STK38: variants seen among roughly 807,000 people sequenced by gnomAD.
STK38 encodes the protein serine/threonine kinase 38.
A neutral mutation model predicts 59.0 loss-of-function variants in STK38; 26 were observed. The ratio of observed to expected loss-of-function variants is 0.44; its 90% CI spans 0.32 to 0.61. STK38 has a LOEUF of 0.61. STK38 is among the 20% of genes least tolerant of loss of function. The pLI is 0.04. For synonymous variants in STK38, 175 were observed against 176.6 expected (o/e 0.99, Z 0.07); for missense variants, 433 against 566.0 (o/e 0.76, Z 2.38).
intron 5 of STK38, among the ~76,000 whole-genome samples, chr6:36,520,778 A>G (rs1438839683): frequency 2.0e-5 from 3 of 152,334 alleles, no homozygotes; most frequent in East Asian, 3.9e-4. Flanking sequence ...TCGGTAACAC[A>G]TGAAAATTTG....
intron 2 of STK38, among the ~76,000 whole-genome samples, chr6:36,535,664 TC>T (rs1325555742): frequency 4.6e-5 from 7 of 151,804 alleles, no homozygotes; most frequent in African/African-American, 1.7e-4. Context: ...GATCATGAAG[TC>T]AGGAGATCGA....
At chr6:36,499,798 G>T in intron 10 of STK38, 75 bp downstream of exon 10, 2 of 1,210,720 alleles carry the variant, frequency 1.7e-6, no homozygotes, top group Non-Finnish European at 1.2e-6. Context: ...ACTGCCAATT[G>T]AAACAGAGGC....
Position 36,515,332 on chromosome 6 carries a change from C to T in STK38, c.669+6G>A, listed in dbSNP as rs749593142. On this transcript the variant is annotated splice_donor_region_variant and intron_variant, in intron 7 of 13. Transcript: ENST00000229812. ...TGCATAGTTCATGCCAATGCCCCCC[C>T]AATACCTTGCTGTCCAAAAGAAGGT... The T allele has an allele frequency of 1.1e-5, 17 of 1,613,658 alleles. No individual in the cohort carries two copies. In the South Asian group the frequency reaches 1.8e-4, roughly 17 times the overall value.
At chr6:36,541,939 G>A (rs996848148) in intron 1 of STK38, among the ~76,000 whole-genome samples, 8 of 150,068 alleles carry the variant, frequency 5.3e-5, no homozygotes, top group African/African-American at 1.5e-4. Flanking sequence ...AGCGATTCTC[G>A]TGTCTCAGCC....
At chr6:36,523,258 G>GTT (rs1264389755) in intron 4 of STK38, among the ~76,000 whole-genome samples, 28 of 147,394 alleles carry the variant, frequency 1.9e-4, no homozygotes, top group Non-Finnish European at 3.0e-4. Flanking sequence ...GGGGTACCAG[G>GTT]TTTTTTGTTT....
intron 1 of STK38, 72 bp from the exon 2 acceptor site, chr6:36,540,279 T>A: frequency 6.9e-7 from 1 of 1,443,188 alleles, no homozygotes; most frequent in Non-Finnish European, 9.4e-7. Context: ...TCCTACCCTA[T>A]TGGTAGGAAT....
At chr6:36,513,892 A>C (rs570457856) in intron 7 of STK38, among the ~76,000 whole-genome samples, 7 of 146,352 alleles carry the variant, frequency 4.8e-5, no homozygotes, top group Non-Finnish European at 7.5e-5. Context: ...TTGGTGGCTC[A>C]CGCCTGTAAT....
intron 2 of STK38, 44 bp downstream of exon 2, chr6:36,540,028 A>T: frequency 9.3e-6 from 15 of 1,609,972 alleles, no homozygotes; most frequent in Non-Finnish European, 1.3e-5. Context: ...ACGAGAAAGG[A>T]ATGCCACAAC....
At chr6:36,537,507 A>G (rs1344395795) in intron 2 of STK38, among the ~76,000 whole-genome samples, 1 of 152,226 alleles carries the variant, frequency 6.6e-6, no homozygotes, top group Non-Finnish European at 1.5e-5. Flanking sequence ...GTTTATCAAT[A>G]GGAGAATGGA....
chr6:36,496,011 C>T, intron 13 of STK38, 97 bp from the exon 14 acceptor site: 97 of 1,147,374 alleles, frequency 8.5e-5, no homozygotes, highest in South Asian at 3.6e-4. Flanking sequence ...ACACCAGTTT[C>T]TATTTGGGAA....
chr6:36,500,758 C>CAA lies in STK38; in HGVS notation c.835-770_835-769dup, dbSNP rs753008721. Among the ~76,000 whole-genome samples, 568 of 58,216 alleles carry CAA rather than the reference C, an allele frequency of 9.8e-3. 10 individuals carry two copies. Among genetic ancestry groups the CAA allele is most frequent in the East Asian group, 0.04 (80 of 2,010 alleles). The allele number at this position is 58,216 out of a possible 152,430, so 38.2% of individuals were successfully genotyped here. A position where few individuals can be genotyped will look rare whatever the true frequency, so the allele number is the denominator to read the frequency against. On this transcript the variant is annotated intron_variant, in intron 9 of 13. Coordinates refer to ENST00000229812, the MANE Select transcript of STK38 (RefSeq NM_007271.4). ...CTGGCGACAGAGTGAGACTCTGTCT[C>CAA]AAAAAAAAAAAAAAAAAAAAATAGG... is the stretch of plus-strand genomic sequence containing the variant.
rs543930678 is a variant in STK38 at position 36,540,462 on chromosome 6, G to A, written c.-5-255C>T. ...ACAGGCTTCTAAAGTGACATACACA[G>A]GATGTTCAGCACAGAGAGGATGTTC... On this transcript the variant is annotated intron_variant, in intron 1 of 13. Transcript: ENST00000229812. Among the ~76,000 whole-genome samples the A allele has an allele frequency of 9.3e-4, 142 of 152,304 alleles. 1 individual carries two copies. The highest frequency in any genetic ancestry group is 5.9e-4 in the Admixed American group (9 of 15,294).
At chr6:36,512,004 A>G (rs978360014) in intron 7 of STK38, among the ~76,000 whole-genome samples, 2 of 152,214 alleles carry the variant, frequency 1.3e-5, no homozygotes, top group African/African-American at 4.8e-5. Flanking sequence ...AGTCACAGTG[A>G]GCCAAGATCA....
intron 1 of STK38, among the ~76,000 whole-genome samples, chr6:36,543,504 G>C (rs189504414): frequency 6.6e-6 from 1 of 152,190 alleles, no homozygotes; most frequent in East Asian, 1.9e-4. Flanking sequence ...CATCACTTTG[G>C]GAGGGTGAGG....
At position 36,495,675 on chromosome 6, in the gene STK38, CAT is replaced by C. The variant is rs2127464228; in HGVS notation, c.*107_*108del. The C allele has an allele frequency of 5.6e-6, 8 of 1,416,468 alleles. 2 individuals are homozygous for C. The South Asian group carries it at 1.1e-4, about 19-fold the overall frequency. The allele number at this position is 1,416,468 out of a possible 1,614,324, so 87.7% of individuals were successfully genotyped here. A position where few individuals can be genotyped will look rare whatever the true frequency, so the allele number is the denominator to read the frequency against. ...CACATTTCAGGAGACTTTACTATGA[CAT>C]ATTGGTGGGTTCCATCAACTTCTTG... On this transcript the variant is annotated 3_prime_UTR_variant, in exon 14 of 14. Coordinates refer to ENST00000229812, the MANE Select transcript of STK38 (RefSeq NM_007271.4).
chr6:36,526,220 GTTT>G (rs60509165), intron 2 of STK38, among the ~76,000 whole-genome samples: 12,462 of 130,418 alleles, frequency 0.096, 614 homozygotes, highest in South Asian at 0.15. Flanking sequence ...GGTTTTGGGT[GTTT>G]TTTTTTTTTT....
chr6:36,537,533 T>C (rs559703787), intron 2 of STK38, among the ~76,000 whole-genome samples: 1 of 152,090 alleles, frequency 6.6e-6, no homozygotes, highest in South Asian at 2.1e-4. Context: ...AAAGATATAG[T>C]CAGAAGACAG....
At chr6:36,497,619 T>G (rs1776736109) in intron 12 of STK38, among the ~76,000 whole-genome samples, 161 bp downstream of exon 12, 2 of 152,356 alleles carry the variant, frequency 1.3e-5, no homozygotes, top group Middle Eastern at 3.4e-3. Flanking sequence ...ACAAAAAATC[T>G]AATGCCCAAT....
intron 2 of STK38, among the ~76,000 whole-genome samples, chr6:36,527,207 A>AAAAAAAAAAT (rs60162863): frequency 9.2e-5 from 11 of 119,354 alleles, no homozygotes; most frequent in Non-Finnish European, 1.1e-4. Context: ...AAAAAAAAAA[A>AAAAAAAAAAT]ATATATGTAT....
Sources: allele counts gnomAD v4.1 joint callset (sites outside exome capture counted in the v4.1 genomes callset), GRCh38; gene constraint gnomAD v4.1.1; transcripts MANE v1.5; gene names NCBI Gene and HGNC (gene_info 2026-07-23, HGNC 2026-07-21).